The following LHFPL3 variants were observed in gnomAD, a reference collection of about 807,000 sequenced individuals.
The protein encoded by LHFPL3 is LHFPL tetraspan subfamily member 3.
In LHFPL3, 5 loss-of-function variants were observed where a neutral mutation model predicts 19.3. The ratio of observed to expected loss-of-function variants is 0.26; its 90% CI spans 0.14 to 0.54. LHFPL3 has a LOEUF of 0.54. Among genes scored for constraint, LHFPL3 ranks in the 20% least tolerant of loss-of-function variants. The pLI, the probability that LHFPL3 is intolerant of heterozygous loss-of-function variation, is 0.94. For missense variants in LHFPL3, 249 were observed against 307.4 expected (o/e 0.81, Z 1.42); for synonymous variants, 133 against 126.2 (o/e 1.05, Z -0.36).
At chr7:104,425,004 AAG>A (rs1482230576) in intron 1 of LHFPL3, among the ~76,000 whole-genome samples, 14 of 147,396 alleles carry the variant, frequency 9.5e-5, no homozygotes, top group South Asian at 6.3e-4. Flanking sequence ...AAAAAAAAAA[AAG>A]AAGTATCTGA....
chr7:104,483,626 T>G (rs1258016929), intron 1 of LHFPL3, among the ~76,000 whole-genome samples: 2 of 152,158 alleles, frequency 1.3e-5, no homozygotes, highest in Non-Finnish European at 2.9e-5. Flanking sequence ...TAGTCATTTT[T>G]TAAGAAACAG....
chr7:104,874,471 T>C (rs1160931329), intron 2 of LHFPL3, among the ~76,000 whole-genome samples: 1 of 151,210 alleles, frequency 6.6e-6, no homozygotes, highest in African/African-American at 2.4e-5. Context: ...CTTGGCTCAC[T>C]GCAACCTCCG....
In LHFPL3 at chr7:104,668,055, C is replaced by G. The variant is rs1483805383; in HGVS notation, c.446-68620C>G. 11 of 1,613,752 alleles carry G rather than the reference C, an allele frequency of 6.8e-6. No individual in the cohort carries two copies. In the Admixed American group the frequency reaches 1.8e-4, roughly 27 times the overall value. Reference sequence around the variant, plus strand: ...ACCCTACACTGCTTTTCTAGGAAACCTACCCTATGATGTTACAGAAGAGTC... The same window carrying G: ...ACCCTACACTGCTTTTCTAGGAAACGTACCCTATGATGTTACAGAAGAGTC... On this transcript the variant is annotated intron_variant, in intron 1 of 2. Coordinates refer to ENST00000424859, the MANE Select transcript of LHFPL3 (RefSeq NM_199000.3).
chr7:104,559,314 A>G (rs1235074452), intron 1 of LHFPL3, among the ~76,000 whole-genome samples: 2 of 149,086 alleles, frequency 1.3e-5, no homozygotes, highest in Non-Finnish European at 3.0e-5. Context: ...ACCCATGAGC[A>G]TGGAATGTTC....
At chr7:104,715,368 A>G (rs1793367582) in intron 1 of LHFPL3, among the ~76,000 whole-genome samples, 1 of 152,128 alleles carries the variant, frequency 6.6e-6, no homozygotes, top group East Asian at 1.9e-4. Flanking sequence ...ATTTTTTCAC[A>G]TTTACTTTGA....
At chr7:104,403,569 A>G (rs886732601) in intron 1 of LHFPL3, among the ~76,000 whole-genome samples, 1 of 152,246 alleles carries the variant, frequency 6.6e-6, no homozygotes, top group Admixed American at 6.5e-5. Context: ...TGGTCTTTGT[A>G]TACATTTGTA....
At chr7:104,576,477 T>G (rs1790341122) in intron 1 of LHFPL3, among the ~76,000 whole-genome samples, 1 of 152,128 alleles carries the variant, frequency 6.6e-6, no homozygotes, top group Non-Finnish European at 1.5e-5. Flanking sequence ...TCAAGTACCC[T>G]CAAAACCCCT....
intron 2 of LHFPL3, among the ~76,000 whole-genome samples, chr7:104,814,479 A>T (rs867422348): frequency 4.6e-5 from 7 of 152,024 alleles, no homozygotes; most frequent in African/African-American, 1.4e-4. Flanking sequence ...GTGCATGCTG[A>T]TTGGTCCCAC....
intron 1 of LHFPL3, among the ~76,000 whole-genome samples, chr7:104,493,533 C>T (rs542904215): frequency 6.6e-6 from 1 of 152,106 alleles, no homozygotes; most frequent in Non-Finnish European, 1.5e-5. Flanking sequence ...AAACTGAGTC[C>T]ACTAACTCAT....
chr7:104,522,425 T>C (rs1284499453), intron 1 of LHFPL3, among the ~76,000 whole-genome samples: 1 of 146,392 alleles, frequency 6.8e-6, no homozygotes, highest in Non-Finnish European at 1.5e-5. Context: ...TTGGGAGATA[T>C]ACCTAATGCG....
In LHFPL3 at chr7:104,437,587, A is replaced by G. The variant is rs140644858; in HGVS notation, c.445+108363A>G. ...TTGACAATTTCTGTCTGACTTAGCT[A>G]CGAATCAAAAGTTCCTACAAACCCC... is the stretch of plus-strand genomic sequence containing the variant. On this transcript the variant is annotated intron_variant, in intron 1 of 2. Coordinates refer to ENST00000424859, the MANE Select transcript of LHFPL3 (RefSeq NM_199000.3). Among the ~76,000 whole-genome samples, 273 of 152,356 alleles carry G rather than the reference A, an allele frequency of 1.8e-3. 1 individual carries two copies. Among genetic ancestry groups the G allele is most frequent in the African/African-American group, 6.1e-3 (255 of 41,588 alleles).
intron 2 of LHFPL3, among the ~76,000 whole-genome samples, chr7:104,866,323 A>G (rs540952557): frequency 1.3e-5 from 2 of 152,278 alleles, no homozygotes; most frequent in African/African-American, 2.4e-5. Context: ...GCTGTATTCA[A>G]GAAACCCATC....
chr7:104,682,152 G>A (rs4419737), intron 1 of LHFPL3, among the ~76,000 whole-genome samples: 74,342 of 151,916 alleles, frequency 0.49, 18,635 homozygotes, highest in East Asian at 0.59. Context: ...ATCCTGGGAG[G>A]GCTAATGTTT....
chr7:104,869,352 G>C (rs922080387), intron 2 of LHFPL3, among the ~76,000 whole-genome samples: 3 of 152,136 alleles, frequency 2.0e-5, no homozygotes, highest in Non-Finnish European at 2.9e-5. Flanking sequence ...CTGACAAAGG[G>C]CTAATATCCA....
intron 1 of LHFPL3, among the ~76,000 whole-genome samples, chr7:104,680,727 CTG>C (rs751871990): frequency 3.3e-5 from 5 of 152,088 alleles, no homozygotes; most frequent in Non-Finnish European, 7.4e-5. Context: ...ATATGAGATG[CTG>C]CCATCTCTAA....
At chr7:104,624,987 C>A (rs781580044) in intron 1 of LHFPL3, among the ~76,000 whole-genome samples, 1 of 152,112 alleles carries the variant, frequency 6.6e-6, no homozygotes, top group Non-Finnish European at 1.5e-5. Context: ...TTTTTCACCT[C>A]CTTAAAGACT....
rs1306999313 is a variant in LHFPL3 at position 104,587,771 on chromosome 7, TC to T, written c.446-148902del. ...AGTGTTCCTATTTCTCCACATCCTC[TC>T]CAGCACCTGTTGTTTCCTGACTTTT... On this transcript the variant is annotated intron_variant, in intron 1 of 2. Coordinates refer to ENST00000424859, the MANE Select transcript of LHFPL3 (RefSeq NM_199000.3). Among the ~76,000 whole-genome samples, 234 of 152,102 alleles carry T rather than the reference TC, an allele frequency of 1.5e-3. 2 individuals carry two copies. The highest frequency in any genetic ancestry group is 4.9e-3 in the African/African-American group (205 of 41,510).
intron 2 of LHFPL3, among the ~76,000 whole-genome samples, chr7:104,772,248 A>G (rs1180856910): frequency 6.6e-6 from 1 of 152,136 alleles, no homozygotes; most frequent in East Asian, 1.9e-4. Flanking sequence ...GGATAGAACA[A>G]ATTTCGTTAC....
chr7:104,618,369 A>G (rs978608476), intron 1 of LHFPL3, among the ~76,000 whole-genome samples: 1 of 152,166 alleles, frequency 6.6e-6, no homozygotes, highest in Non-Finnish European at 1.5e-5. Flanking sequence ...TGACAACTCT[A>G]TGGGGAAAAT....
Sources: gnomAD v4.1 joint callset for allele counts (sites outside exome capture counted in the v4.1 genomes callset) on GRCh38, gnomAD v4.1.1 for gene constraint, MANE v1.5 for transcripts, NCBI Gene and HGNC (gene_info 2026-07-23, HGNC 2026-07-21) for gene names.